Variants in POLR3H observed in about 807,000 individuals in gnomAD.
The protein encoded by POLR3H is DNA-directed RNA polymerase III subunit RPC8.
In POLR3H, 17 loss-of-function variants were observed where a neutral mutation model predicts 25.5. The observed-to-expected ratio is 0.67, with a 90% confidence interval of 0.46 to 1.00. POLR3H has a LOEUF of 1.00. Among genes scored for constraint, POLR3H ranks in the 50% least tolerant of loss-of-function variants. The pLI is 0.00. For synonymous variants in POLR3H, 129 were observed against 103.0 expected (o/e 1.25, Z -1.53); for missense variants, 274 against 265.0 (o/e 1.03, Z -0.24).
intron 2 of POLR3H, among the ~76,000 whole-genome samples, chr22:41,533,288 A>G (rs1232889112): frequency 1.3e-5 from 2 of 152,158 alleles, no homozygotes; most frequent in African/African-American, 2.4e-5. Context: ...CTGTGCCCAC[A>G]TCGCACACTC....
Position 41,527,841 on chromosome 22 carries a change from G to A in POLR3H, c.*1442C>T, listed in dbSNP as rs1569026193. On this transcript the variant is annotated 3_prime_UTR_variant, in exon 6 of 6. Transcript: ENST00000355209. Reference sequence around the variant, plus strand: ...TCTCCCAGAGCCCCAGATGGGTTCAGAAAATGAAGCTCTCCAGGCTAGTCA... The same window carrying A: ...TCTCCCAGAGCCCCAGATGGGTTCAAAAAATGAAGCTCTCCAGGCTAGTCA... The A allele has an allele frequency of 4.3e-6, 7 of 1,612,814 alleles. No homozygotes were observed. The highest frequency in any genetic ancestry group is 5.9e-6 in the Non-Finnish European group (7 of 1,179,634).
In POLR3H at chr22:41,526,447, C is replaced by A; in HGVS notation, c.*2836G>T. 6.2e-7 allele frequency: 1 copy of A among 1,611,634 alleles called. No homozygotes were observed. Among genetic ancestry groups the A allele is most frequent in the Non-Finnish European group, 8.5e-7 (1 of 1,178,428 alleles). The stretch of plus-strand genomic sequence containing the variant: ...GCCCCGTCCCTGACACTGCCCGCTA[C>A]TACAAGGTGGGTCAGAGTTGATAGG... On this transcript the variant is annotated 3_prime_UTR_variant, in exon 6 of 6. Coordinates refer to ENST00000355209, the MANE Select transcript of POLR3H (RefSeq NM_001018050.4).
At chr22:41,530,227 T>C (rs1027985122) in intron 5 of POLR3H, among the ~76,000 whole-genome samples, 3 of 147,802 alleles carry the variant, frequency 2.0e-5, no homozygotes, top group Non-Finnish European at 4.5e-5. Context: ...GATACTCCCA[T>C]CTCAGCCTCC....
chr22:41,527,964 A>G lies in POLR3H; in HGVS notation c.*1319T>C. 6.2e-7 allele frequency: 1 copy of G among 1,614,190 alleles called. No individual in the cohort carries two copies. The highest frequency in any genetic ancestry group is 8.5e-7 in the Non-Finnish European group (1 of 1,180,012). On this transcript the variant is annotated 3_prime_UTR_variant, in exon 6 of 6. Coordinates refer to ENST00000355209, the MANE Select transcript of POLR3H (RefSeq NM_001018050.4). The stretch of plus-strand genomic sequence containing the variant: ...TTCGCTGACCCGGCTGACTACAACA[A>G]GATTCACCCTGTGGACAAGCTGACC...
Position 41,544,179 on chromosome 22 carries a change from C to G in POLR3H, c.-78G>C, listed in dbSNP as rs1046573554. On this transcript the variant is annotated 5_prime_UTR_variant, in exon 1 of 6. Transcript: ENST00000355209. ...CCGGGGGCAGGGAGAATCCCCGAGC[C>G]CCTTGGTCCCGTCCCAGTCGCTGAG... is the stretch of plus-strand genomic sequence containing the variant. The G allele has an allele frequency of 6.8e-6, 6 of 878,824 alleles. No homozygotes were observed. The highest frequency in any genetic ancestry group is 7.2e-6 in the Non-Finnish European group (4 of 556,020). The allele number at this position is 878,824 out of a possible 1,614,324, so 54.4% of individuals were successfully genotyped here.
chr22:41,530,964 A>C (rs2066719321), intron 4 of POLR3H, 76 bp from the exon 5 acceptor site: 3 of 1,401,610 alleles, frequency 2.1e-6, no homozygotes, highest in Non-Finnish European at 3.0e-6. Flanking sequence ...CCGACCCCGC[A>C]GGAAAAACCA....
chr22:41,526,368 A>G lies in POLR3H; in HGVS notation c.*2915T>C. 6.2e-7 allele frequency: 1 copy of G among 1,613,838 alleles called. No homozygotes were observed. The highest frequency in any genetic ancestry group is 8.5e-7 in the Non-Finnish European group (1 of 1,180,040). ...AACAACCTGCTCATTGGTGCCATCA[A>G]CATTGAAAACGGCAAGGCCAACTCC... is the stretch of plus-strand genomic sequence containing the variant. On this transcript the variant is annotated 3_prime_UTR_variant, in exon 6 of 6. Transcript: ENST00000355209.
In POLR3H at chr22:41,544,175, G is replaced by A. The variant is rs1293016546; in HGVS notation, c.-74C>T. 15 of 918,736 alleles carry A rather than the reference G, an allele frequency of 1.6e-5. No individual in the cohort carries two copies. The highest frequency in any genetic ancestry group is 2.6e-5 in the East Asian group (1 of 38,904). 56.9% of individuals were successfully genotyped at this position (918,736 alleles called of 1,614,324 possible). On this transcript the variant is annotated 5_prime_UTR_variant, in exon 1 of 6. Coordinates refer to ENST00000355209, the MANE Select transcript of POLR3H (RefSeq NM_001018050.4). ...AGGGCCGGGGGCAGGGAGAATCCCC[G>A]AGCCCCTTGGTCCCGTCCCAGTCGC...
chr22:41,532,840 G>T, intron 2 of POLR3H, 95 bp from the exon 3 acceptor site: 10 of 1,337,240 alleles, frequency 7.5e-6, no homozygotes, highest in Non-Finnish European at 1.0e-5. Flanking sequence ...GGCCTGTGTG[G>T]CTGCTCCATG....
In POLR3H at chr22:41,532,728, C is replaced by G; in HGVS notation, c.226G>C (p.Val76Leu). 2 of 1,613,964 alleles carry G rather than the reference C, an allele frequency of 1.2e-6. No individual in the cohort carries two copies. Among genetic ancestry groups the G allele is most frequent in the Non-Finnish European group, 1.7e-6 (2 of 1,179,910 alleles). Residue 76 changes from valine (V) to leucine (L), a missense_variant, in exon 3 of 6, where the codon GTG becomes CTG. By Grantham distance (32) the Val-to-Leu change is conservative. Transcript: ENST00000355209. Reference protein sequence around the residue: ...SHTKVHFRCVVFHPFLDEILI... With the variant: ...SHTKVHFRCVLFHPFLDEILI... The stretch of plus-strand genomic sequence containing the variant: ...ATCTCATCTAGGAATGGATGAAACA[C>G]CACGCAGCGAAAATGGACTGGAAAT...
At position 41,526,498 on chromosome 22, in the gene POLR3H, G is replaced by A. The variant is rs1460852012; in HGVS notation, c.*2785C>T. The A allele has an allele frequency of 6.3e-7, 1 of 1,578,096 alleles. No homozygotes were observed. Among genetic ancestry groups the A allele is most frequent in the Admixed American group, 1.7e-5 (1 of 58,078 alleles). On this transcript the variant is annotated 3_prime_UTR_variant, in exon 6 of 6. Transcript: ENST00000355209. ...GGCAATGCCAGTGGTCACTCCTGAA[G>A]GGGCCTGCAAGGCAGGTGCAGGGAG... is the stretch of plus-strand genomic sequence containing the variant.
At position 41,527,301 on chromosome 22, in the gene POLR3H, G is replaced by C. The variant is rs373935698; in HGVS notation, c.*1982C>G. The C allele has an allele frequency of 4.3e-6, 7 of 1,614,108 alleles. No individual in the cohort carries two copies. The African/African-American group carries it at 6.7e-5, about 15-fold the overall frequency. On this transcript the variant is annotated 3_prime_UTR_variant, in exon 6 of 6. Transcript: ENST00000355209. ...CTTGCCTGACAGAAACATGGCATCA[G>C]GTGGGTGGTGATCGGAGACGAGAAC...
chr22:41,526,468 A>G lies in POLR3H; in HGVS notation c.*2815T>C. 1.2e-6 allele frequency: 2 copies of G among 1,605,566 alleles called. No homozygotes were observed. Among genetic ancestry groups the G allele is most frequent in the Non-Finnish European group, 1.7e-6 (2 of 1,174,454 alleles). ...GCTACTACAAGGTGGGTCAGAGTTG[A>G]TAGGGGCAATGCCAGTGGTCACTCC... On this transcript the variant is annotated 3_prime_UTR_variant, in exon 6 of 6. Transcript: ENST00000355209.
chr22:41,533,381 G>T (rs2066781329), intron 2 of POLR3H: 1 of 545,438 alleles, frequency 1.8e-6, no homozygotes, highest in Non-Finnish European at 2.7e-6. Flanking sequence ...GTCCAACGCT[G>T]ACCTGAGAAT....
rs2066629136 is a variant in POLR3H, at chr22:41,527,600, CTTCCCGCA to C, written c.*1675_*1682del. ...GCACATCCGACGCTCAGCTTCCCGG[CTTCCCGCA>C]GGCCCTGCTTCCAGGCTTGTAGATC... On this transcript the variant is annotated 3_prime_UTR_variant, in exon 6 of 6. Coordinates refer to ENST00000355209, the MANE Select transcript of POLR3H (RefSeq NM_001018050.4). 1 of 924,878 alleles carries C rather than the reference CTTCCCGCA, an allele frequency of 1.1e-6. No homozygotes were observed. Among genetic ancestry groups the C allele is most frequent in the Non-Finnish European group, 1.6e-6 (1 of 631,958 alleles). The allele number at this position is 924,878 out of a possible 1,614,324, so 57.3% of individuals were successfully genotyped here.
rs1334231955 is a variant in POLR3H at position 41,532,463 on chromosome 22, G to A, written c.295+196C>T. The A allele has an allele frequency of 1.0e-5, 10 of 976,130 alleles. No homozygotes were observed. The East Asian group carries it at 1.1e-4, about 10-fold the overall frequency. 60.5% of individuals were successfully genotyped at this position (976,130 alleles called of 1,614,324 possible). Reference sequence around the variant, plus strand: ...TGCCCACCCTGAAGTCCTGAGTGACGGCCTCACAGTGAAACCGCACTGCTG... The same window carrying A: ...TGCCCACCCTGAAGTCCTGAGTGACAGCCTCACAGTGAAACCGCACTGCTG... On this transcript the variant is annotated intron_variant, in intron 3 of 5. Transcript: ENST00000355209.
chr22:41,539,301 A>C (rs1398110377), intron 2 of POLR3H: 1 of 151,426 alleles, frequency 6.6e-6, no homozygotes, highest in African/African-American at 2.4e-5. Flanking sequence ...CAAGATTCTG[A>C]CTCAGGCGGA....
At position 41,527,273 on chromosome 22, in the gene POLR3H, C is replaced by T; in HGVS notation, c.*2010G>A. ...CCTCCTCTGCCTTATAACCTTACCC[C>T]CGCTTGCCTGACAGAAACATGGCAT... On this transcript the variant is annotated 3_prime_UTR_variant, in exon 6 of 6. Coordinates refer to ENST00000355209, the MANE Select transcript of POLR3H (RefSeq NM_001018050.4). The T allele has an allele frequency of 6.2e-7, 1 of 1,614,164 alleles. No individual in the cohort carries two copies. Among genetic ancestry groups the T allele is most frequent in the South Asian group, 1.1e-5 (1 of 91,088 alleles).
intron 1 of POLR3H, 179 bp downstream of exon 1, chr22:41,543,812 T>C: frequency 1.4e-6 from 1 of 706,774 alleles, no homozygotes; most frequent in East Asian, 2.7e-5. Context: ...AACTCCCTTT[T>C]TCAAGCCCAT....
Sources: gnomAD v4.1 joint callset for allele counts (sites outside exome capture counted in the v4.1 genomes callset) on GRCh38, gnomAD v4.1.1 for gene constraint, MANE v1.5 for transcripts, NCBI Gene and HGNC (gene_info 2026-07-23, HGNC 2026-07-21) for gene names.